Variants in EFCAB8 observed in about 807,000 individuals in gnomAD.
EFCAB8 encodes the protein EF-hand calcium binding domain 8, also known as EF-hand calcium-binding domain-containing protein 8.
A neutral mutation model predicts 116.3 loss-of-function variants in EFCAB8; 100 were observed. The observed-to-expected ratio is 0.86, with a 90% CI of 0.73 to 1.02. The LOEUF (loss-of-function observed/expected upper bound fraction) is 1.02, where lower values mean the gene tolerates loss of function less well. Ranked by LOEUF, EFCAB8 falls within the 50% of genes least tolerant of loss-of-function variation. The pLI, the probability that EFCAB8 is intolerant of heterozygous loss-of-function variation, is 0.00. For synonymous variants in EFCAB8, 558 were observed against 567.9 expected (o/e 0.98, Z 0.25); for missense variants, 1,320 against 1,416.9 (o/e 0.93, Z 1.10).
At chr20:32,889,223 G>C in intron 6 of EFCAB8, 78 bp from the exon 7 acceptor site, 2 of 1,286,580 alleles carry the variant, frequency 1.6e-6, no homozygotes, top group South Asian at 2.6e-5. Context: ...GGCCTTGTGT[G>C]GCAGGAGAGG....
intron 11 of EFCAB8, among the ~76,000 whole-genome samples, chr20:32,899,510 G>C (rs999450084): frequency 2.0e-5 from 3 of 152,106 alleles, no homozygotes; most frequent in African/African-American, 4.8e-5. Flanking sequence ...AGTCCTGAGG[G>C]GCCCCCTCCT....
intron 5 of EFCAB8, among the ~76,000 whole-genome samples, chr20:32,880,172 A>G (rs1454531911): frequency 6.6e-6 from 1 of 152,142 alleles, no homozygotes; most frequent in Admixed American, 6.5e-5. Flanking sequence ...GACCCAGACC[A>G]GGCCACGGGG....
intron 9 of EFCAB8, among the ~76,000 whole-genome samples, chr20:32,895,350 G>T: frequency 7.0e-6 from 1 of 142,098 alleles, no homozygotes; most frequent in African/African-American, 2.6e-5. Context: ...TTTGAGACAA[G>T]GTCATACTCT....
chr20:32,929,628 C>T (rs548429101), intron 20 of EFCAB8, among the ~76,000 whole-genome samples: 1 of 151,914 alleles, frequency 6.6e-6, no homozygotes, highest in Non-Finnish European at 1.5e-5. Flanking sequence ...AGGTATGAGC[C>T]ACCATGAGAT....
intron 22 of EFCAB8, among the ~76,000 whole-genome samples, chr20:32,935,507 C>A (rs1223435366): frequency 4.1e-5 from 6 of 144,996 alleles, no homozygotes; most frequent in African/African-American, 1.5e-4. Context: ...GCCACTTTGC[C>A]TATTTTATTT....
chr20:32,910,306 G>T (rs557360303), intron 15 of EFCAB8, among the ~76,000 whole-genome samples: 1 of 152,298 alleles, frequency 6.6e-6, no homozygotes, highest in South Asian at 2.1e-4. Flanking sequence ...GCATCTCTTT[G>T]CAGGGAAGCC....
intron 20 of EFCAB8, among the ~76,000 whole-genome samples, chr20:32,927,874 C>T (rs1387856891): frequency 1.3e-5 from 2 of 152,090 alleles, no homozygotes; most frequent in Non-Finnish European, 2.9e-5. Context: ...ACCATTGAAA[C>T]CATTTTTAAG....
intron 9 of EFCAB8, among the ~76,000 whole-genome samples, chr20:32,893,941 G>C (rs886073572): frequency 1.3e-5 from 2 of 152,190 alleles, no homozygotes; most frequent in African/African-American, 2.4e-5. Flanking sequence ...GGTGAGTGGG[G>C]GCTAAGATCT....
intron 13 of EFCAB8, among the ~76,000 whole-genome samples, chr20:32,907,520 T>C (rs927185761): frequency 6.6e-6 from 1 of 152,188 alleles, no homozygotes; most frequent in African/African-American, 2.4e-5. Context: ...TACTGCCCCG[T>C]CTGCTGGGCT....
intron 6 of EFCAB8, among the ~76,000 whole-genome samples, chr20:32,888,824 G>A (rs1218367768): frequency 2.0e-5 from 3 of 152,076 alleles, no homozygotes; most frequent in African/African-American, 7.3e-5. Context: ...CTTTCCAGGT[G>A]GCTTCTGGCC....
chr20:32,911,665 T>C lies in EFCAB8; in HGVS notation c.1743T>C (p.Ile581=), dbSNP rs1474926182. Residue 581 remains isoleucine, a synonymous_variant, in exon 16 of 27, where the codon ATT becomes ATC. Coordinates refer to ENST00000400522, the MANE Select transcript of EFCAB8 (RefSeq NM_001143967.2). ...CAATGAAGATGTGGAACTACAACAT[T>C]GGCAAATGCCTGTTGACCTTTCCCA... is the stretch of plus-strand genomic sequence containing the variant. ...DGTMKMWNYN[I]GKCLLTFPSP... 1 of 1,551,742 alleles carries C rather than the reference T, an allele frequency of 6.4e-7. No homozygotes were observed. The highest frequency in any genetic ancestry group is 2.0e-5 in the Admixed American group (1 of 51,014).
chr20:32,877,905 G>A (rs1402300021), intron 4 of EFCAB8, among the ~76,000 whole-genome samples: 1 of 152,140 alleles, frequency 6.6e-6, no homozygotes, highest in Non-Finnish European at 1.5e-5. Flanking sequence ...TGCACTTAGC[G>A]CCTCAGGACG....
At chr20:32,905,816 A>G (rs1986649593) in intron 11 of EFCAB8, among the ~76,000 whole-genome samples, 1 of 151,016 alleles carries the variant, frequency 6.6e-6, no homozygotes, top group Admixed American at 6.6e-5. Context: ...GTGGGCACCT[A>G]TGGAATCAGT....
chr20:32,932,888 G>A (rs900400056), intron 22 of EFCAB8, among the ~76,000 whole-genome samples: 1 of 152,144 alleles, frequency 6.6e-6, no homozygotes, highest in Admixed American at 6.5e-5. Flanking sequence ...CTCTACATGA[G>A]TATGTTATGG....
intron 23 of EFCAB8, among the ~76,000 whole-genome samples, chr20:32,952,469 A>T (rs1471226460): frequency 6.6e-6 from 1 of 152,166 alleles, no homozygotes; most frequent in African/African-American, 2.4e-5. Context: ...TTGCATGGAG[A>T]TAGCCACTTG....
intron 23 of EFCAB8, among the ~76,000 whole-genome samples, chr20:32,949,532 G>A (rs974925911): frequency 1.3e-5 from 2 of 152,220 alleles, no homozygotes; most frequent in Non-Finnish European, 2.9e-5. Flanking sequence ...AGACAGTGTG[G>A]TAATGGCATA....
At chr20:32,930,161 C>T (rs776503766) in intron 20 of EFCAB8, among the ~76,000 whole-genome samples, 5 of 152,162 alleles carry the variant, frequency 3.3e-5, no homozygotes, top group Non-Finnish European at 4.4e-5. Context: ...ATTGTGGTTA[C>T]TAAGGACAAA....
intron 20 of EFCAB8, among the ~76,000 whole-genome samples, chr20:32,925,081 C>A (rs1390380919): frequency 6.6e-6 from 1 of 152,120 alleles, no homozygotes; most frequent in Non-Finnish European, 1.5e-5. Context: ...GGGGGTCTTA[C>A]CTGTTGGGTC....
intron 11 of EFCAB8, among the ~76,000 whole-genome samples, chr20:32,904,309 G>GT (rs1321313350): frequency 2.7e-5 from 4 of 148,324 alleles, no homozygotes; most frequent in African/African-American, 5.0e-5. Context: ...GAGTCTTTTT[G>GT]TTTTTTTCGT....
Sources: allele counts gnomAD v4.1 joint callset (sites outside exome capture counted in the v4.1 genomes callset), GRCh38; gene constraint gnomAD v4.1.1; transcripts MANE v1.5; gene names NCBI Gene and HGNC (gene_info 2026-07-23, HGNC 2026-07-21).